CADPS: variants seen among roughly 807,000 people sequenced by gnomAD.
CADPS encodes the protein calcium-dependent secretion activator 1.
In CADPS, 57 loss-of-function variants were observed where a neutral mutation model predicts 167.3. The ratio of observed to expected loss-of-function variants is 0.34; its 90% CI spans 0.28 to 0.42. The LOEUF is 0.42. Ranked by LOEUF, CADPS falls within the 20% of genes least tolerant of loss-of-function variation. The pLI is 1.00. For synonymous variants in CADPS, 676 were observed against 635.3 expected, an observed-to-expected ratio of 1.06 and a Z score of -0.96; for missense variants, 1,414 against 1,738.1, an observed-to-expected ratio of 0.81 and a Z score of 3.32.
In CADPS at chr3:62,433,575, G is replaced by C. The variant is rs1460956875; in HGVS notation, c.3777+4529C>G. Among the ~76,000 whole-genome samples the C allele has an allele frequency of 6.6e-6, 1 of 152,118 alleles. No individual in the cohort carries two copies. Among genetic ancestry groups the C allele is most frequent in the Non-Finnish European group, 1.5e-5 (1 of 68,022 alleles). The stretch of plus-strand genomic sequence containing the variant: ...CTCCAGTCAAATGTTCCCTGGGCCT[G>C]GTTCCCAATGACACGGGGCCTGAAG... On this transcript the variant is annotated intron_variant, in intron 28 of 29. Coordinates refer to ENST00000383710, the MANE Select transcript of CADPS (RefSeq NM_003716.4). This position sits in a 1 kb window ranked among gnomAD's most constrained non-coding sequence, Gnocchi z 4.7.
intron 6 of CADPS, among the ~76,000 whole-genome samples, chr3:62,614,780 G>C (rs914530104): frequency 6.6e-6 from 1 of 152,182 alleles, no homozygotes; most frequent in Non-Finnish European, 1.5e-5. Context: ...TCCTGTGCCA[G>C]GCATTGGTGT....
chr3:62,851,948 A>G (rs1393031837), intron 1 of CADPS, among the ~76,000 whole-genome samples: 1 of 151,416 alleles, frequency 6.6e-6, no homozygotes, highest in East Asian at 1.9e-4. Context: ...ACATAGTTCC[A>G]TATTTCTTGG....
At position 62,675,549 on chromosome 3, in the gene CADPS, T is replaced by C. The variant is rs569179099; in HGVS notation, c.889-13155A>G. ...GGAGGGAAATAGAAGAAAGTAGTAATCTCCTCTGAGAGAGAAACCTGCAAA... is the reference window on the plus strand; with the variant it reads ...GGAGGGAAATAGAAGAAAGTAGTAACCTCCTCTGAGAGAGAAACCTGCAAA... On this transcript the variant is annotated intron_variant, in intron 3 of 29. Transcript: ENST00000383710. Among the ~76,000 whole-genome samples the C allele has an allele frequency of 2.6e-5, 4 of 152,176 alleles. No individual in the cohort carries two copies. The South Asian group carries it at 8.3e-4, about 32-fold the overall frequency.
intron 1 of CADPS, among the ~76,000 whole-genome samples, chr3:62,766,397 T>C (rs1044724382): frequency 6.6e-6 from 1 of 152,046 alleles, no homozygotes; most frequent in African/African-American, 2.4e-5. Flanking sequence ...TCAGCCAAGG[T>C]GGGAATATTT....
chr3:62,847,261 C>CTTTTTTTTTTTTT (rs202175985), intron 1 of CADPS, among the ~76,000 whole-genome samples: 1 of 133,068 alleles, frequency 7.5e-6, no homozygotes, highest in South Asian at 2.4e-4. Flanking sequence ...GCAGCATTTT[C>CTTTTTTTTTTTTT]TTTTTTTTTT....
In CADPS at chr3:62,852,359, T is replaced by C. The variant is rs529311643; in HGVS notation, c.441+22230A>G. ...GATGGAAATGCAGAAATCACCCGTCTTCTGTGTCGCTCACACTGGGAGCTG... is the reference window on the plus strand; with the variant it reads ...GATGGAAATGCAGAAATCACCCGTCCTCTGTGTCGCTCACACTGGGAGCTG... On this transcript the variant is annotated intron_variant, in intron 1 of 29. Coordinates refer to ENST00000383710, the MANE Select transcript of CADPS (RefSeq NM_003716.4). 2.0e-4 allele frequency among the ~76,000 whole-genome samples: 31 copies of C among 152,292 alleles called. No individual in the cohort carries two copies. The South Asian group carries it at 6.0e-3, about 30-fold the overall frequency.
chr3:62,832,505 A>G (rs1249583576), intron 1 of CADPS, among the ~76,000 whole-genome samples: 1 of 152,208 alleles, frequency 6.6e-6, no homozygotes, highest in East Asian at 1.9e-4. Flanking sequence ...AAACGTGACC[A>G]GGAAGGTAGT....
intron 28 of CADPS, among the ~76,000 whole-genome samples, chr3:62,436,890 C>A (rs1308053166): frequency 6.6e-6 from 1 of 151,954 alleles, no homozygotes; most frequent in Non-Finnish European, 1.5e-5. Context: ...AGGAGCCTTT[C>A]TACACACGAG....
intron 3 of CADPS, among the ~76,000 whole-genome samples, chr3:62,691,916 T>G (rs562704253): frequency 1.0e-3 from 154 of 152,170 alleles, no homozygotes; most frequent in African/African-American, 3.5e-3. Context: ...CCTGCACATG[T>G]ACCCCTGAAC....
intron 26 of CADPS, among the ~76,000 whole-genome samples, chr3:62,454,005 C>A (rs1448318740): frequency 6.6e-6 from 1 of 152,102 alleles, no homozygotes; most frequent in Non-Finnish European, 1.5e-5. Flanking sequence ...AACTGTGACA[C>A]CAAAAATTTC....
At chr3:62,645,286 T>C (rs2068302811) in intron 6 of CADPS, among the ~76,000 whole-genome samples, 1 of 152,096 alleles carries the variant, frequency 6.6e-6, no homozygotes, top group Admixed American at 6.5e-5. Flanking sequence ...ATCTCCCAAA[T>C]CACCACTGAA....
At chr3:62,613,611 TGGA>T (rs1295078568) in intron 6 of CADPS, among the ~76,000 whole-genome samples, 7 of 152,156 alleles carry the variant, frequency 4.6e-5, no homozygotes. Flanking sequence ...TAGTGTTTGG[TGGA>T]GGATACCTTG....
At chr3:62,862,346 A>C (rs1481345472) in intron 1 of CADPS, among the ~76,000 whole-genome samples, 1 of 151,354 alleles carries the variant, frequency 6.6e-6, no homozygotes, top group Non-Finnish European at 1.5e-5. Flanking sequence ...CTTCCCGAGT[A>C]GCTGGGGTTA....
chr3:62,525,756 G>A (rs1306065897), intron 13 of CADPS, among the ~76,000 whole-genome samples: 3 of 151,642 alleles, frequency 2.0e-5, no homozygotes, highest in Non-Finnish European at 4.4e-5. Context: ...AAAGAGAGAG[G>A]ACGGAGTTAG....
chr3:62,674,691 T>C (rs929732967), intron 3 of CADPS, among the ~76,000 whole-genome samples: 2 of 152,206 alleles, frequency 1.3e-5, no homozygotes, highest in African/African-American at 4.8e-5. Flanking sequence ...AATTACATTA[T>C]TGGCATTTAT....
chr3:62,856,872 A>T (rs1461126277), intron 1 of CADPS, among the ~76,000 whole-genome samples: 1 of 151,914 alleles, frequency 6.6e-6, no homozygotes, highest in Non-Finnish European at 1.5e-5. Flanking sequence ...GGTAAAAAAA[A>T]AAAACACTAT....
chr3:62,605,082 A>G (rs2060504197), intron 6 of CADPS, among the ~76,000 whole-genome samples: 1 of 152,208 alleles, frequency 6.6e-6, no homozygotes, highest in African/African-American at 2.4e-5. Context: ...ATCTGCCTTA[A>G]GACACCTTAC....
intron 3 of CADPS, among the ~76,000 whole-genome samples, chr3:62,725,886 C>A (rs1343199445): frequency 6.6e-6 from 1 of 151,784 alleles, no homozygotes; most frequent in Non-Finnish European, 1.5e-5. Context: ...TATCACCACT[C>A]TCCATTTCAA....
chr3:62,560,408 G>A (rs1562164687), intron 9 of CADPS, among the ~76,000 whole-genome samples: 1 of 152,188 alleles, frequency 6.6e-6, no homozygotes, highest in Non-Finnish European at 1.5e-5. Flanking sequence ...AATTAATGAG[G>A]CAGTGAGCAC....
Sources: gnomAD v4.1 joint callset for allele counts (sites outside exome capture counted in the v4.1 genomes callset) on GRCh38, gnomAD v4.1.1 for gene constraint, Gnocchi (gnomAD v3.1) non-coding constraint, MANE v1.5 for transcripts, NCBI Gene and HGNC (gene_info 2026-07-23, HGNC 2026-07-21) for gene names.